Variants in GRSF1 observed in about 807,000 individuals in gnomAD.
GRSF1 encodes G-rich RNA sequence binding factor 1, also known as G-rich sequence factor 1.
A neutral mutation model predicts 51.1 loss-of-function variants in GRSF1; 50 were observed. The ratio of observed to expected loss-of-function variants is 0.98; its 90% CI spans 0.78 to 1.24. The LOEUF is 1.24. Among genes scored for constraint, GRSF1 ranks in the 50% most tolerant of loss-of-function variants. The pLI, the probability that GRSF1 is intolerant of heterozygous loss-of-function variation, is 0.00. For synonymous variants in GRSF1, 293 were observed against 253.3 expected (o/e 1.16, Z -1.49); for missense variants, 700 against 639.7 (o/e 1.09, Z -1.02).
In GRSF1 at chr4:70,818,385, G is replaced by GC. The variant is rs1187554446; in HGVS notation, c.*2501dup. On this transcript the variant is annotated 3_prime_UTR_variant, in exon 10 of 10. Transcript: ENST00000254799. ...GTTCAGGGCAGAGGACATTAACAAG[G>GC]CATGTTGATTAATAAGCAGATTCAT... The GC allele has an allele frequency of 6.6e-6, 1 of 152,162 alleles. No homozygotes were observed. Among genetic ancestry groups the GC allele is most frequent in the African/African-American group, 2.4e-5 (1 of 41,438 alleles). The allele number at this position is 152,162 out of a possible 1,614,324, so 9.4% of individuals were successfully genotyped here.
intron 4 of GRSF1, among the ~76,000 whole-genome samples, chr4:70,831,943 C>A (rs1733993078): frequency 6.9e-6 from 1 of 144,946 alleles, no homozygotes; most frequent in Admixed American, 7.0e-5. Context: ...TAATTATATA[C>A]TAGGAAACAA....
rs1463085683 is a variant in GRSF1, at chr4:70,839,479, A to G, written c.349T>C (p.Tyr117His). The change falls in exon 1 of 10, where the codon TAC becomes CAC. Residue 117 changes from tyrosine (Y) to histidine (H), a missense_variant. Transcript: ENST00000254799. ...AAAAAVPTRS[Y>H]SQESKTTYLE... ...TCACGGCGCCCACGTACCTGGCTGT[A>G]GCTGCGCGTCGGGACGGCGGCCGCC... 2.1e-6 allele frequency: 3 copies of G among 1,434,792 alleles called. No individual in the cohort carries two copies. Among genetic ancestry groups the G allele is most frequent in the African/African-American group, 3.0e-5 (2 of 66,190 alleles). 88.9% of individuals were successfully genotyped at this position (1,434,792 alleles called of 1,614,324 possible).
At chr4:70,832,685 C>T (rs539684343) in intron 3 of GRSF1, among the ~76,000 whole-genome samples, 1 of 152,376 alleles carries the variant, frequency 6.6e-6, no homozygotes, top group Admixed American at 6.5e-5. Flanking sequence ...CACTGGCTCA[C>T]GCCTATAATC....
chr4:70,839,828 G>T lies in GRSF1; in HGVS notation c.-1C>A. ...CGAGTACCCAGCGCGTGCCGGCCATGGACTCCGGAGGCGGCGCAGGGCCTG... is the reference window on the plus strand; with the variant it reads ...CGAGTACCCAGCGCGTGCCGGCCATTGACTCCGGAGGCGGCGCAGGGCCTG... On this transcript the variant is annotated 5_prime_UTR_variant, in exon 1 of 10. Transcript: ENST00000254799. 1 of 1,492,706 alleles carries T rather than the reference G, an allele frequency of 6.7e-7. No individual in the cohort carries two copies. Among genetic ancestry groups the T allele is most frequent in the Non-Finnish European group, 8.9e-7 (1 of 1,128,916 alleles). 92.5% of individuals were successfully genotyped at this position (1,492,706 alleles called of 1,614,324 possible). A position where few individuals can be genotyped will look rare whatever the true frequency, so the allele number is the denominator to read the frequency against.
intron 7 of GRSF1, chr4:70,825,653 C>A (rs1361728701): frequency 1.9e-5 from 7 of 361,732 alleles, no homozygotes; most frequent in Middle Eastern, 7.7e-4. Flanking sequence ...CTGCTCTCAG[C>A]GAGCATGGTG....
At chr4:70,840,352 G>C (rs1458230609), upstream of GRSF1, among the ~76,000 whole-genome samples, 2 of 152,246 alleles carry the variant, frequency 1.3e-5, no homozygotes, top group African/African-American at 4.8e-5. Context: ...TGACTCATTC[G>C]TAGTGACTCA....
chr4:70,817,343 G>C lies in GRSF1; in HGVS notation c.*3544C>G, dbSNP rs1284638382. 6.6e-6 allele frequency: 1 copy of C among 151,962 alleles called. No homozygotes were observed. Among genetic ancestry groups the C allele is most frequent in the Non-Finnish European group, 1.5e-5 (1 of 68,048 alleles). The allele number at this position is 151,962 out of a possible 1,614,324, so 9.4% of individuals were successfully genotyped here. ...TCCCACTTCAGCCTCACAAAGTGCG[G>C]GGATTACAGATGTCAGCCACCACAC... is the stretch of plus-strand genomic sequence containing the variant. On this transcript the variant is annotated 3_prime_UTR_variant, in exon 10 of 10. Coordinates refer to ENST00000254799, the MANE Select transcript of GRSF1 (RefSeq NM_002092.4).
intron 2 of GRSF1, among the ~76,000 whole-genome samples, chr4:70,834,907 G>A (rs1367768659): frequency 6.6e-6 from 1 of 152,094 alleles, no homozygotes; most frequent in Non-Finnish European, 1.5e-5. Context: ...ACAGGCGTGA[G>A]CCACCGCACT....
At chr4:70,839,192 G>C (rs1395986170) in intron 1 of GRSF1, 1 of 1,395,512 alleles carries the variant, frequency 7.2e-7, no homozygotes, top group Non-Finnish European at 9.4e-7. Flanking sequence ...GCCAGGCGGG[G>C]AACAAGGCCT....
rs1332543981 is a variant in GRSF1, at chr4:70,839,683, G to C, written c.145C>G (p.Leu49Val). The C allele has an allele frequency of 6.9e-7, 1 of 1,443,284 alleles. No individual in the cohort carries two copies. The highest frequency in any genetic ancestry group is 2.9e-5 in the Admixed American group (1 of 34,556). 89.4% of individuals were successfully genotyped at this position (1,443,284 alleles called of 1,614,324 possible). The stretch of plus-strand genomic sequence containing the variant: ...GCGGCGGCCCCGAGCAGCAGCAGCA[G>C]GCGGCGGCGGCCCGAGACGCCCGAC... The part of the protein sequence containing the change: ...IPSGVSGRRR[L>V]LLLLGAAAAA... The change falls in exon 1 of 10, where the codon CTG (leucine) becomes GTG (valine). Residue 49 changes from leucine to valine, a missense_variant. Leu to Val is a conservative substitution (Grantham distance 32, BLOSUM62 1). Coordinates refer to ENST00000254799, the MANE Select transcript of GRSF1 (RefSeq NM_002092.4).
chr4:70,833,902 G>C (rs1039192068), intron 2 of GRSF1, among the ~76,000 whole-genome samples: 5 of 152,108 alleles, frequency 3.3e-5, no homozygotes, highest in Non-Finnish European at 7.3e-5. Context: ...AAAAAAGTTT[G>C]ACCAGGCTCA....
chr4:70,824,023 T>C (rs954607961), intron 9 of GRSF1, among the ~76,000 whole-genome samples: 2 of 128,642 alleles, frequency 1.6e-5, no homozygotes, highest in Non-Finnish European at 3.1e-5. Flanking sequence ...CAGGCTGGAG[T>C]GCAGTGGCAC....
chr4:70,837,538 T>C (rs1222964570), intron 1 of GRSF1, among the ~76,000 whole-genome samples: 1 of 101,908 alleles, frequency 9.8e-6, no homozygotes, highest in East Asian at 3.4e-4. Context: ...CACTCCAGCA[T>C]GGGCAACAGA....
Position 70,836,214 on chromosome 4 carries a change from C to T in GRSF1, c.458G>A (p.Arg153Gln), listed in dbSNP as rs1241894728. The T allele has an allele frequency of 2.5e-6, 4 of 1,609,404 alleles. No homozygotes were observed. Among genetic ancestry groups the T allele is most frequent in the Non-Finnish European group, 3.4e-6 (4 of 1,178,048 alleles). The part of the protein sequence containing the change: ...EEEVDDVFLI[R>Q]AQGLPWSCTM... Reference sequence around the variant, plus strand: ...GCATGACCAGGGCAGTCCTTGAGCTCGAATGAGAAAGACATCATCCACTTC... The same window carrying T: ...GCATGACCAGGGCAGTCCTTGAGCTTGAATGAGAAAGACATCATCCACTTC... The change falls in exon 2 of 10, where the codon CGA (arginine) becomes CAA (glutamine). Residue 153 changes from arginine to glutamine, a missense_variant. Coordinates refer to ENST00000254799, the MANE Select transcript of GRSF1 (RefSeq NM_002092.4).
chr4:70,832,018 T>G (rs1245143852), intron 4 of GRSF1, among the ~76,000 whole-genome samples: 3 of 151,994 alleles, frequency 2.0e-5, no homozygotes, highest in Non-Finnish European at 4.4e-5. Flanking sequence ...ATTATATAAA[T>G]TGTTATTGTC....
chr4:70,832,994 T>A, intron 3 of GRSF1, 124 bp downstream of exon 3: 1 of 824,412 alleles, frequency 1.2e-6, no homozygotes, highest in East Asian at 2.6e-5. Flanking sequence ...TATTTTCACA[T>A]CCTATAAAAG....
rs1363706953 is a variant in GRSF1, at chr4:70,839,874, G to T, written c.-47C>A. The T allele has an allele frequency of 4.9e-6, 7 of 1,426,428 alleles. No homozygotes were observed. Among genetic ancestry groups the T allele is most frequent in the Non-Finnish European group, 5.5e-6 (6 of 1,098,196 alleles). The allele number at this position is 1,426,428 out of a possible 1,614,324, so 88.4% of individuals were successfully genotyped here. ...GCCTGAAGGCAGCTGCTCCAGCAGC[G>T]ATGGTGGAACGGAAGTGGAATCCAG... is the stretch of plus-strand genomic sequence containing the variant. On this transcript the variant is annotated 5_prime_UTR_variant, in exon 1 of 10. Coordinates refer to ENST00000254799, the MANE Select transcript of GRSF1 (RefSeq NM_002092.4).
At chr4:70,839,181 G>A in intron 1 of GRSF1, 2 of 1,375,690 alleles carry the variant, frequency 1.5e-6, no homozygotes, top group Non-Finnish European at 1.9e-6. Context: ...ACCTACCATG[G>A]GCCAGGCGGG....
rs573186574 is a variant in GRSF1 at position 70,836,318 on chromosome 4, C to A, written c.358-4G>T. The A allele has an allele frequency of 7.7e-6, 12 of 1,549,810 alleles. No homozygotes were observed. The African/African-American group carries it at 1.5e-4, about 20-fold the overall frequency. On this transcript the variant is annotated splice_polypyrimidine_tract_variant and splice_region_variant and intron_variant, in intron 1 of 9. Transcript: ENST00000254799. ...CCAGGTAAGTAGTTTTGGACTCCTT[C>A]CAAAGGAAATGAAGAATTGTAAAAA...
Sources: gnomAD v4.1 joint callset for allele counts (sites outside exome capture counted in the v4.1 genomes callset) on GRCh38, gnomAD v4.1.1 for gene constraint, MANE v1.5 for transcripts, NCBI Gene and HGNC (gene_info 2026-07-23, HGNC 2026-07-21) for gene names.